Variants in CSMD1 observed in about 807,000 individuals in gnomAD.
CSMD1 encodes the protein CUB and Sushi multiple domains 1.
CSMD1 carries 213 observed loss-of-function variants against 417.5 expected under a neutral mutation model. That is an observed-to-expected ratio of 0.51 (90% CI 0.46 to 0.57). The LOEUF (loss-of-function observed/expected upper bound fraction) is 0.57. CSMD1 is among the 20% of genes least tolerant of loss of function. The pLI, the probability that CSMD1 is intolerant of heterozygous loss-of-function variation, is 0.00. For missense variants in CSMD1, 6,923 were observed against 4,529.7 expected, an observed-to-expected ratio of 1.53 and a Z score of -15.17; for synonymous variants, 2,862 against 1,736.8, an observed-to-expected ratio of 1.65 and a Z score of -16.11.
intron 3 of CSMD1, among the ~76,000 whole-genome samples, chr8:4,250,380 C>T (rs1048848644): frequency 1.3e-5 from 2 of 152,122 alleles, no homozygotes; most frequent in Admixed American, 6.5e-5. Context: ...TGCATAGTGT[C>T]CCCAAGATAA....
chr8:3,288,569 T>A (rs1803323210), intron 25 of CSMD1, among the ~76,000 whole-genome samples: 2 of 147,560 alleles, frequency 1.4e-5, no homozygotes, highest in South Asian at 2.1e-4. Flanking sequence ...TCTTCTAGAT[T>A]TTCTAGTTTA....
chr8:4,317,528 G>C (rs142439273), intron 3 of CSMD1, among the ~76,000 whole-genome samples: 1 of 152,268 alleles, frequency 6.6e-6, no homozygotes, highest in Non-Finnish European at 1.5e-5. Context: ...TTTCTTGGCT[G>C]TTTCTTCATT....
intron 3 of CSMD1, among the ~76,000 whole-genome samples, chr8:4,111,036 A>C (rs1349474232): frequency 6.6e-6 from 1 of 152,146 alleles, no homozygotes; most frequent in East Asian, 1.9e-4. Flanking sequence ...CTGCGAAAGG[A>C]AATAACTTAA....
chr8:3,882,389 T>A (rs975305589), intron 5 of CSMD1, among the ~76,000 whole-genome samples: 1 of 152,140 alleles, frequency 6.6e-6, no homozygotes, highest in Admixed American at 6.6e-5. Context: ...AAAATACAAT[T>A]TTAAAAACAG....
At chr8:4,167,886 G>A (rs928184186) in intron 3 of CSMD1, among the ~76,000 whole-genome samples, 3 of 152,080 alleles carry the variant, frequency 2.0e-5, no homozygotes, top group Non-Finnish European at 4.4e-5. Context: ...TCAGCACTTT[G>A]GGAGGCTGAG....
At chr8:3,294,917 A>T (rs1803851642) in intron 25 of CSMD1, among the ~76,000 whole-genome samples, 1 of 151,882 alleles carries the variant, frequency 6.6e-6, no homozygotes, top group Non-Finnish European at 1.5e-5. Flanking sequence ...TGCGTCATTC[A>T]TGCTGGGAGC....
chr8:3,786,862 T>C (rs774601983), intron 5 of CSMD1, among the ~76,000 whole-genome samples: 1 of 152,136 alleles, frequency 6.6e-6, no homozygotes, highest in Non-Finnish European at 1.5e-5. Context: ...AATCACATTA[T>C]GAGGGCCACA....
intron 7 of CSMD1, among the ~76,000 whole-genome samples, chr8:3,646,726 C>A (rs981958865): frequency 6.6e-6 from 1 of 152,228 alleles, no homozygotes; most frequent in South Asian, 2.1e-4. Flanking sequence ...GACCTGGCTC[C>A]GGTGCCTCCT....
chr8:3,311,719 T>C (rs1482751193), intron 23 of CSMD1, among the ~76,000 whole-genome samples: 1 of 152,194 alleles, frequency 6.6e-6, no homozygotes, highest in Non-Finnish European at 1.5e-5. Context: ...AAGTGAACCA[T>C]CATAAGTTGT....
At chr8:4,139,624 T>A (rs1803657588) in intron 3 of CSMD1, among the ~76,000 whole-genome samples, 1 of 150,990 alleles carries the variant, frequency 6.6e-6, no homozygotes, top group Non-Finnish European at 1.5e-5. Context: ...AGGAAGGGCA[T>A]TTGGAATAGT....
Position 3,634,225 on chromosome 8 carries a change from A to C in CSMD1, c.1010-17428T>G, listed in dbSNP as rs186963964. On this transcript the variant is annotated intron_variant, in intron 7 of 69. Transcript: ENST00000635120. ...GCCACAGCAGATAGTCTATGTGTTC[A>C]CGTGATTAATGGTGGGGGCCTTTGG... is the stretch of plus-strand genomic sequence containing the variant. Among the ~76,000 whole-genome samples the C allele has an allele frequency of 2.0e-5, 3 of 152,306 alleles. No individual in the cohort carries two copies. The East Asian group carries it at 5.8e-4, about 29-fold the overall frequency.
intron 2 of CSMD1, among the ~76,000 whole-genome samples, chr8:4,544,676 T>G (rs1797555297): frequency 6.6e-6 from 1 of 152,206 alleles, no homozygotes; most frequent in Non-Finnish European, 1.5e-5. Flanking sequence ...ATGTCCAGCT[T>G]TAAGCCAGGG....
At chr8:3,699,076 C>T (rs1342783239) in intron 7 of CSMD1, among the ~76,000 whole-genome samples, 3 of 152,138 alleles carry the variant, frequency 2.0e-5, no homozygotes, top group Admixed American at 6.5e-5. Flanking sequence ...AGCATGCATT[C>T]GCTGAAATTC....
chr8:4,172,182 G>A (rs1309028673), intron 3 of CSMD1, among the ~76,000 whole-genome samples: 1 of 152,060 alleles, frequency 6.6e-6, no homozygotes, highest in Non-Finnish European at 1.5e-5. Context: ...GCCTTTTAAT[G>A]AGAAAAACTC....
chr8:3,029,751 G>A (rs529414494), intron 50 of CSMD1, among the ~76,000 whole-genome samples: 1 of 151,938 alleles, frequency 6.6e-6, no homozygotes, highest in Non-Finnish European at 1.5e-5. Flanking sequence ...CAGTCAGACT[G>A]AACTGTAAAG....
intron 3 of CSMD1, among the ~76,000 whole-genome samples, chr8:4,327,165 T>C (rs1281430865): frequency 6.6e-6 from 1 of 152,208 alleles, no homozygotes; most frequent in Non-Finnish European, 1.5e-5. Context: ...AAATGTTAGA[T>C]ACATTATTGT....
chr8:4,652,566 C>T lies in CSMD1; in HGVS notation c.86-15008G>A, dbSNP rs146432919. On this transcript the variant is annotated intron_variant, in intron 1 of 69. Coordinates refer to ENST00000635120, the MANE Select transcript of CSMD1 (RefSeq NM_033225.6). ...ACTCAGCAGGTTGAGGCAGGAGAATCGCTTGAACCCGGGAGGCAGAGGTTG... is the reference window on the plus strand; with the variant it reads ...ACTCAGCAGGTTGAGGCAGGAGAATTGCTTGAACCCGGGAGGCAGAGGTTG... 4.4e-3 allele frequency among the ~76,000 whole-genome samples: 674 copies of T among 151,968 alleles called. 4 individuals are homozygous for T. The highest frequency in any genetic ancestry group is 0.014 in the Middle Eastern group (4 of 294).
chr8:4,113,204 A>T (rs1801950616), intron 3 of CSMD1, among the ~76,000 whole-genome samples: 2 of 152,062 alleles, frequency 1.3e-5, no homozygotes, highest in East Asian at 3.9e-4. Context: ...AAATTCGGAC[A>T]GTTAAAAATC....
chr8:3,066,475 C>T (rs907245924), intron 49 of CSMD1, among the ~76,000 whole-genome samples: 1 of 152,180 alleles, frequency 6.6e-6, no homozygotes, highest in Non-Finnish European at 1.5e-5. Context: ...ATTCATTACG[C>T]ATGCAGGTAA....
Sources: gnomAD v4.1 joint callset for allele counts (sites outside exome capture counted in the v4.1 genomes callset) on GRCh38, gnomAD v4.1.1 for gene constraint, MANE v1.5 for transcripts, NCBI Gene and HGNC (gene_info 2026-07-23, HGNC 2026-07-21) for gene names.